Variants in LRRC7 observed in about 807,000 individuals in gnomAD.
LRRC7 encodes leucine-rich repeat-containing protein 7.
LRRC7 carries 23 observed loss-of-function variants against 175.7 expected under a neutral mutation model. The observed-to-expected ratio is 0.13, with a 90% CI of 0.09 to 0.19. The LOEUF (loss-of-function observed/expected upper bound fraction) is 0.19. Among genes scored for constraint, LRRC7 ranks in the 10% least tolerant of loss-of-function variants. The probability of loss-of-function intolerance (pLI) is 1.00; values close to 1 mark genes in which losing one functional copy is unlikely to be tolerated. For synonymous variants in LRRC7, 685 were observed against 680.9 expected (o/e 1.01, Z -0.09); for missense variants, 1,354 against 1,904.7 (o/e 0.71, Z 5.38).
At chr1:69,813,831 A>C (rs1678255778) in intron 4 of LRRC7, among the ~76,000 whole-genome samples, 1 of 152,178 alleles carries the variant, frequency 6.6e-6, no homozygotes, top group East Asian at 1.9e-4. Flanking sequence ...AAAAATAGAG[A>C]TCAGAGCTTG....
At chr1:69,807,478 G>C (rs1353493497) in intron 4 of LRRC7, among the ~76,000 whole-genome samples, 1 of 151,996 alleles carries the variant, frequency 6.6e-6, no homozygotes, top group Non-Finnish European at 1.5e-5. Flanking sequence ...AGGAGCTCTT[G>C]TAAGGCAGGC....
chr1:69,782,972 G>A (rs1001785783), intron 3 of LRRC7, among the ~76,000 whole-genome samples: 1 of 152,166 alleles, frequency 6.6e-6, no homozygotes, highest in Non-Finnish European at 1.5e-5. Context: ...TGTGAAAAAT[G>A]ACCATCCAAA....
chr1:69,819,575 C>CTG (rs1343426681), intron 4 of LRRC7, among the ~76,000 whole-genome samples: 2,892 of 133,014 alleles, frequency 0.022, 48 homozygotes, highest in Admixed American at 0.063. Flanking sequence ...CTCTCTCTCT[C>CTG]TCTGTGTGTG....
chr1:69,981,446 G>T (rs910997237), intron 9 of LRRC7, among the ~76,000 whole-genome samples: 1 of 152,170 alleles, frequency 6.6e-6, no homozygotes, highest in Admixed American at 6.5e-5. Flanking sequence ...ATCAAAAGAT[G>T]CATTTTTACC....
At chr1:70,063,071 CA>C in intron 23 of LRRC7, among the ~76,000 whole-genome samples, 1 of 152,200 alleles carries the variant, frequency 6.6e-6, no homozygotes, top group South Asian at 2.1e-4. Flanking sequence ...CAACTGTCTG[CA>C]GTATTGAAGG....
chr1:70,103,649 A>C (rs914133199), intron 25 of LRRC7, among the ~76,000 whole-genome samples: 2 of 152,194 alleles, frequency 1.3e-5, no homozygotes, highest in African/African-American at 4.8e-5. Flanking sequence ...TAAAATAATA[A>C]ATTTGTGAAG....
At chr1:70,089,052 C>A (rs912316429) in intron 24 of LRRC7, among the ~76,000 whole-genome samples, 1 of 152,040 alleles carries the variant, frequency 6.6e-6, no homozygotes, top group African/African-American at 2.4e-5. Context: ...TATTGTTGAC[C>A]TCTTTCTTTA....
At chr1:69,729,983 C>T (rs1667390200) in intron 2 of LRRC7, among the ~76,000 whole-genome samples, 2 of 152,190 alleles carry the variant, frequency 1.3e-5, no homozygotes, top group African/African-American at 4.8e-5. Context: ...GCAGGCTCAA[C>T]ACCACATGAA....
intron 7 of LRRC7, among the ~76,000 whole-genome samples, chr1:69,868,202 A>T (rs531376762): frequency 1.3e-5 from 2 of 152,302 alleles, no homozygotes; most frequent in South Asian, 4.1e-4. Flanking sequence ...ATATTAAATC[A>T]AATTTAAAAA....
At chr1:69,723,648 T>C (rs1666609960) in intron 2 of LRRC7, among the ~76,000 whole-genome samples, 1 of 152,170 alleles carries the variant, frequency 6.6e-6, no homozygotes. Flanking sequence ...TTAGTCCTTT[T>C]GGGTTGTTAT....
intron 2 of LRRC7, among the ~76,000 whole-genome samples, chr1:69,723,060 C>G (rs1340750): frequency 0.43 from 65,978 of 151,704 alleles, 14,576 homozygotes; most frequent in Admixed American, 0.5. Context: ...TTTTGTAATG[C>G]AATGAACTAT....
chr1:69,642,182 A>C (rs1291589464), intron 1 of LRRC7, among the ~76,000 whole-genome samples: 1 of 151,936 alleles, frequency 6.6e-6, no homozygotes, highest in Non-Finnish European at 1.5e-5. Flanking sequence ...TTATAACTAA[A>C]TTTTCTTTTA....
chr1:69,644,841 A>T (rs1654769804), intron 1 of LRRC7, among the ~76,000 whole-genome samples: 1 of 152,050 alleles, frequency 6.6e-6, no homozygotes, highest in Non-Finnish European at 1.5e-5. Context: ...AAACAATTTT[A>T]TTCACCATAT....
chr1:69,584,785 T>G (rs1646341336), intron 1 of LRRC7, among the ~76,000 whole-genome samples: 1 of 152,170 alleles, frequency 6.6e-6, no homozygotes, highest in Admixed American at 6.5e-5. Flanking sequence ...CCTGTAAGTC[T>G]AGCTATTATC....
intron 9 of LRRC7, among the ~76,000 whole-genome samples, chr1:69,985,472 T>G (rs1174121996): frequency 6.6e-6 from 1 of 152,244 alleles, no homozygotes; most frequent in Non-Finnish European, 1.5e-5. Context: ...TTCAAGATTA[T>G]TGTGTGTTTT....
chr1:70,038,781 A>C lies in LRRC7; in HGVS notation c.2957A>C (p.Gln986Pro), dbSNP rs1484988468. ...DIKSNKFKKS[Q>P]SIDEIDIGTY... ...AAGTCTAATAAATTCAAAAAGTCACAGAGTATCGATGAGATTGACATTGGT... is the reference window on the plus strand; with the variant it reads ...AAGTCTAATAAATTCAAAAAGTCACCGAGTATCGATGAGATTGACATTGGT... The change falls in exon 21 of 27, where the codon CAG (glutamine) becomes CCG (proline). Residue 986 changes from glutamine to proline, a missense_variant. By Grantham distance (76) the Gln-to-Pro change is moderately conservative. Transcript: ENST00000651989. 16 of 1,613,920 alleles carry C rather than the reference A, an allele frequency of 9.9e-6. No individual in the cohort carries two copies. The highest frequency in any genetic ancestry group is 1.3e-5 in the African/African-American group (1 of 74,910).
intron 23 of LRRC7, among the ~76,000 whole-genome samples, chr1:70,060,120 C>T (rs768833648): frequency 6.6e-6 from 1 of 152,010 alleles, no homozygotes; most frequent in Non-Finnish European, 1.5e-5. Context: ...GAGTTTGAGA[C>T]CAGCCTGGCC....
At chr1:70,084,188 G>A (rs749180808) in intron 24 of LRRC7, among the ~76,000 whole-genome samples, 7 of 151,890 alleles carry the variant, frequency 4.6e-5, no homozygotes, top group Non-Finnish European at 7.4e-5. Context: ...ATACAGTAAA[G>A]TTCATCTGCT....
chr1:69,630,480 A>G (rs1341758191), intron 1 of LRRC7, among the ~76,000 whole-genome samples: 4 of 152,156 alleles, frequency 2.6e-5, no homozygotes, highest in Admixed American at 1.3e-4. Flanking sequence ...CAGTTTACCT[A>G]TACTTGCTAC....
Sources: allele counts gnomAD v4.1 joint callset (sites outside exome capture counted in the v4.1 genomes callset), GRCh38; gene constraint gnomAD v4.1.1; transcripts MANE v1.5; gene names NCBI Gene and HGNC (gene_info 2026-07-23, HGNC 2026-07-21).